PDE1C: variants seen among roughly 807,000 people sequenced by gnomAD.
The protein encoded by PDE1C is dual specificity calcium/calmodulin-dependent 3',5'-cyclic nucleotide phosphodiesterase 1C.
PDE1C carries 62 observed loss-of-function variants against 93.1 expected under a neutral mutation model. The ratio of observed to expected loss-of-function variants is 0.67; its 90% CI spans 0.54 to 0.82. PDE1C has a LOEUF of 0.82. PDE1C is among the 40% of genes least tolerant of loss of function. PDE1C has a pLI of 0.00. For missense variants in PDE1C, 742 were observed against 884.6 expected, an observed-to-expected ratio of 0.84 and a Z score of 2.04; for synonymous variants, 325 against 310.1, an observed-to-expected ratio of 1.05 and a Z score of -0.50.
At chr7:31,701,110 T>C in the PDE1C span, among the ~76,000 whole-genome samples, 1 of 152,166 alleles carries the variant, frequency 6.6e-6, no homozygotes, top group Admixed American at 6.5e-5. Flanking sequence ...AGAGCTGCTA[T>C]AGATAGTGAT....
chr7:31,765,537 T>C (rs1216271291), intron 17 of PDE1C, among the ~76,000 whole-genome samples: 2 of 152,210 alleles, frequency 1.3e-5, no homozygotes, highest in Non-Finnish European at 2.9e-5. Context: ...GAAGCTCCTA[T>C]GTCCTTTGTT....
intron 1 of PDE1C, among the ~76,000 whole-genome samples, chr7:32,068,467 T>G (rs1283717238): frequency 6.6e-6 from 1 of 152,176 alleles, no homozygotes; most frequent in Non-Finnish European, 1.5e-5. Context: ...TAACAAATAA[T>G]AGCATCTCCT....
chr7:31,853,348 T>C (rs2128807769), intron 7 of PDE1C, among the ~76,000 whole-genome samples: 1 of 152,308 alleles, frequency 6.6e-6, no homozygotes, highest in Admixed American at 6.5e-5. Context: ...AAGTAGTATC[T>C]GGGAGAAACA....
At chr7:31,885,909 C>A (rs1382591138) in intron 2 of PDE1C, among the ~76,000 whole-genome samples, 2 of 152,174 alleles carry the variant, frequency 1.3e-5, no homozygotes, top group Admixed American at 1.3e-4. Flanking sequence ...GAATTTCATT[C>A]TTTTGCACAA....
At chr7:31,991,980 T>A (rs1275748996) in intron 2 of PDE1C, among the ~76,000 whole-genome samples, 1 of 152,188 alleles carries the variant, frequency 6.6e-6, no homozygotes, top group East Asian at 1.9e-4. Context: ...CGGGTTCCTA[T>A]TGGTTCCAGA....
chr7:32,332,968 G>A (rs1432757800), intron 1 of PDE1C, among the ~76,000 whole-genome samples: 1 of 152,124 alleles, frequency 6.6e-6, no homozygotes, highest in Admixed American at 6.5e-5. Flanking sequence ...CTCCACAGGA[G>A]AGTCCATTTC....
the PDE1C span, among the ~76,000 whole-genome samples, chr7:31,636,406 G>A: frequency 3.9e-5 from 6 of 152,182 alleles, no homozygotes. Flanking sequence ...TTCAAGAATA[G>A]TAACTGCTTC....
the PDE1C span, among the ~76,000 whole-genome samples, chr7:31,636,561 C>G: frequency 6.6e-6 from 1 of 152,114 alleles, no homozygotes; most frequent in Admixed American, 6.5e-5. Flanking sequence ...TCAACCTCTT[C>G]TGCTGAATAT....
intron 1 of PDE1C, among the ~76,000 whole-genome samples, chr7:32,390,051 G>T (rs906454453): frequency 6.6e-6 from 1 of 152,110 alleles, no homozygotes; most frequent in Admixed American, 6.5e-5. Context: ...ACCAGAGACT[G>T]CAAATATGTA....
At chr7:31,656,935 G>A in the PDE1C span, among the ~76,000 whole-genome samples, 1 of 151,404 alleles carries the variant, frequency 6.6e-6, no homozygotes, top group Non-Finnish European at 1.5e-5. Context: ...GATGAACAAT[G>A]TTTGCTGATG....
At chr7:31,798,580 T>A (rs1281074933) in intron 16 of PDE1C, among the ~76,000 whole-genome samples, 2 of 151,766 alleles carry the variant, frequency 1.3e-5, no homozygotes, top group Admixed American at 1.3e-4. Flanking sequence ...AAGACCACCA[T>A]CCTCTAAGAA....
chr7:32,060,077 AT>A (rs1794622700), intron 1 of PDE1C, among the ~76,000 whole-genome samples: 1 of 152,248 alleles, frequency 6.6e-6, no homozygotes, highest in African/African-American at 2.4e-5. Context: ...AATCCAAAGG[AT>A]TAAGACAAAA....
chr7:31,829,953 C>T (rs1249898966), intron 11 of PDE1C, among the ~76,000 whole-genome samples: 1 of 152,036 alleles, frequency 6.6e-6, no homozygotes, highest in Non-Finnish European at 1.5e-5. Flanking sequence ...TCTGTCAGTA[C>T]ATTTTAATGG....
At chr7:31,697,148 G>A in the PDE1C span, 2 of 1,611,030 alleles carry the variant, frequency 1.2e-6, no homozygotes, top group South Asian at 1.1e-5. Context: ...CATTTGCAGG[G>A]GGTGATGGGG....
upstream of PDE1C, among the ~76,000 whole-genome samples, chr7:32,302,918 C>A (rs917075689): frequency 2.0e-5 from 3 of 152,130 alleles, no homozygotes; most frequent in Non-Finnish European, 2.9e-5. Context: ...CGTGCACACA[C>A]CTCATGGACA....
At chr7:31,953,622 A>C (rs1298328345) in intron 2 of PDE1C, among the ~76,000 whole-genome samples, 1 of 152,148 alleles carries the variant, frequency 6.6e-6, no homozygotes, top group African/African-American at 2.4e-5. Context: ...TCATCCCACC[A>C]GGCACTTTGA....
At position 32,387,383 on chromosome 7, in the gene PDE1C, C is replaced by T. The variant is rs1446886788; in HGVS notation, c.310+40439G>A. Among the ~76,000 whole-genome samples the T allele has an allele frequency of 5.9e-4, 90 of 151,786 alleles. 1 individual carries two copies. In the Middle Eastern group the frequency reaches 0.01, roughly 17 times the overall value. On this transcript the variant is annotated intron_variant, in intron 1 of 1. Transcript: ENST00000672256. ...TCATCATGGCCCATCCCCAATGAGC[C>T]GCTGGGCACACCTCCCAGACGGGGT...
chr7:31,790,246 T>C (rs771352516), intron 16 of PDE1C: 5 of 1,613,008 alleles, frequency 3.1e-6, no homozygotes, highest in Non-Finnish European at 3.4e-6. Flanking sequence ...GAGGTCTTTT[T>C]TACTCTTGTG....
the PDE1C span, among the ~76,000 whole-genome samples, chr7:31,645,766 G>A: frequency 7.2e-5 from 11 of 152,256 alleles, no homozygotes; most frequent in African/African-American, 2.6e-4. Flanking sequence ...GGAGGGGGGT[G>A]GTTGCTACTG....
Sources: gnomAD v4.1 joint callset for allele counts (sites outside exome capture counted in the v4.1 genomes callset) on GRCh38, gnomAD v4.1.1 for gene constraint, MANE v1.5 for transcripts, NCBI Gene and HGNC (gene_info 2026-07-23, HGNC 2026-07-21) for gene names.